MYO1B: variants seen among roughly 807,000 people sequenced by gnomAD.
MYO1B encodes the protein myosin IB.
Under a neutral mutation model 159.7 loss-of-function variants are expected in MYO1B, and 72 were observed. That is an observed-to-expected ratio of 0.45 (90% CI 0.37 to 0.55). The LOEUF is 0.55. Ranked by LOEUF, MYO1B falls within the 20% of genes least tolerant of loss-of-function variation. The probability of loss-of-function intolerance (pLI) is 0.00; values close to 1 mark genes in which losing one functional copy is unlikely to be tolerated. For missense variants in MYO1B, 1,062 were observed against 1,364.8 expected, an observed-to-expected ratio of 0.78 and a Z score of 3.50; for synonymous variants, 468 against 473.8, an observed-to-expected ratio of 0.99 and a Z score of 0.16.
intron 7 of MYO1B, among the ~76,000 whole-genome samples, chr2:191,359,150 TC>T (rs1417786672): frequency 6.6e-6 from 1 of 152,162 alleles, no homozygotes; most frequent in Non-Finnish European, 1.5e-5. Context: ...ATAAGTAAAA[TC>T]GTACTGCATG....
intron 2 of MYO1B, among the ~76,000 whole-genome samples, chr2:191,286,360 G>A (rs1331589719): frequency 1.3e-5 from 2 of 151,092 alleles, no homozygotes; most frequent in African/African-American, 4.9e-5. Flanking sequence ...AAAAAAGACC[G>A]AGGCCCTCTG....
At chr2:191,381,861 C>G (rs1395644879) in intron 14 of MYO1B, among the ~76,000 whole-genome samples, 2 of 152,080 alleles carry the variant, frequency 1.3e-5, no homozygotes, top group East Asian at 3.8e-4. Context: ...ACTTAGAGAA[C>G]TGTATACCAA....
At chr2:191,332,264 A>G (rs912890553) in intron 4 of MYO1B, among the ~76,000 whole-genome samples, 26 of 107,712 alleles carry the variant, frequency 2.4e-4, no homozygotes, top group Non-Finnish European at 5.9e-4. Context: ...TGCCTGGCCT[A>G]TTATCCCTCT....
At chr2:191,302,988 G>T (rs988215082) in intron 3 of MYO1B, among the ~76,000 whole-genome samples, 30 of 152,284 alleles carry the variant, frequency 2.0e-4, no homozygotes, top group Admixed American at 1.8e-3. Flanking sequence ...CATGAGTGAT[G>T]TTGCTATAAT....
chr2:191,416,473 G>T, intron 30 of MYO1B: 1 of 511,192 alleles, frequency 2.0e-6, no homozygotes, highest in Non-Finnish European at 3.4e-6. Flanking sequence ...TGAAATAGTT[G>T]ATAAGATTTT....
At chr2:191,276,507 G>A (rs944048520) in intron 1 of MYO1B, among the ~76,000 whole-genome samples, 7 of 152,188 alleles carry the variant, frequency 4.6e-5, no homozygotes, top group Non-Finnish European at 1.0e-4. Context: ...CGAGGAAGCA[G>A]GTTCATATAG....
intron 30 of MYO1B, 53 bp downstream of exon 30, chr2:191,416,295 T>A (rs1188300273): frequency 6.2e-7 from 1 of 1,605,034 alleles, no homozygotes; most frequent in Non-Finnish European, 8.5e-7. Flanking sequence ...TTTTTTGTTT[T>A]AGTTCAGCTC....
intron 24 of MYO1B, among the ~76,000 whole-genome samples, chr2:191,404,902 G>T (rs1281577431): frequency 1.3e-5 from 2 of 152,220 alleles, no homozygotes; most frequent in Non-Finnish European, 2.9e-5. Context: ...GGTGGTGGCT[G>T]CTGAAGGTTG....
chr2:191,251,265 G>A (rs758384956), intron 1 of MYO1B, among the ~76,000 whole-genome samples: 1 of 152,236 alleles, frequency 6.6e-6, no homozygotes, highest in Non-Finnish European at 1.5e-5. Flanking sequence ...CTGCCTGCGA[G>A]CAGCATGCCA....
At chr2:191,402,572 T>A in intron 23 of MYO1B, 60 bp from the exon 24 acceptor site, 1 of 1,410,218 alleles carries the variant, frequency 7.1e-7, no homozygotes, top group Non-Finnish European at 9.9e-7. Flanking sequence ...TATCTTTTTC[T>A]GGTCATTTGT....
At chr2:191,268,332 T>C (rs977674363) in intron 1 of MYO1B, among the ~76,000 whole-genome samples, 1 of 152,194 alleles carries the variant, frequency 6.6e-6, no homozygotes, top group Non-Finnish European at 1.5e-5. Context: ...TGGTTTCTTT[T>C]TTTCTTATAA....
chr2:191,317,269 ACTTGTTC>A (rs1274696478), intron 3 of MYO1B, among the ~76,000 whole-genome samples: 1 of 152,160 alleles, frequency 6.6e-6, no homozygotes, highest in East Asian at 1.9e-4. Flanking sequence ...TAAAAGTGAT[ACTTGTTC>A]AAAGGGGACC....
At position 191,337,896 on chromosome 2, in the gene MYO1B, AG is replaced by A. The variant is rs1273546635; in HGVS notation, c.347-3564del. 9.9e-5 allele frequency among the ~76,000 whole-genome samples: 15 copies of A among 152,274 alleles called. No homozygotes were observed. In the East Asian group the frequency reaches 1.4e-3, roughly 14 times the overall value. Reference sequence around the variant, plus strand: ...ATTATGTAAAGGTTTGATTTGTATAAGTATATAAATATTTGAATACAGATCC... The same window carrying A: ...ATTATGTAAAGGTTTGATTTGTATAATATATAAATATTTGAATACAGATCC... On this transcript the variant is annotated intron_variant, in intron 4 of 30. Transcript: ENST00000392318.
chr2:191,357,840 C>T (rs1693402733), intron 7 of MYO1B, among the ~76,000 whole-genome samples: 1 of 152,096 alleles, frequency 6.6e-6, no homozygotes, highest in Non-Finnish European at 1.5e-5. Context: ...GGGAAGAAAA[C>T]CAATAAGGAA....
chr2:191,421,972 A>G (rs1697968955), intron 30 of MYO1B, among the ~76,000 whole-genome samples: 1 of 152,224 alleles, frequency 6.6e-6, no homozygotes, highest in Admixed American at 6.5e-5. Context: ...AACCCATTTA[A>G]AAGATCAGAA....
chr2:191,247,801 C>G (rs1685876968), intron 1 of MYO1B, among the ~76,000 whole-genome samples: 2 of 152,248 alleles, frequency 1.3e-5, no homozygotes, highest in African/African-American at 4.8e-5. Flanking sequence ...TAGCAGAATC[C>G]TAAGTGGCTG....
chr2:191,349,158 C>G (rs1330573287), intron 6 of MYO1B, among the ~76,000 whole-genome samples: 1 of 152,202 alleles, frequency 6.6e-6, no homozygotes, highest in Non-Finnish European at 1.5e-5. Context: ...AAGGCAGGAG[C>G]CATGCCATGC....
intron 1 of MYO1B, among the ~76,000 whole-genome samples, chr2:191,273,541 C>T (rs189239369): frequency 5.3e-5 from 8 of 152,326 alleles, no homozygotes; most frequent in South Asian, 2.1e-4. Context: ...CTGCAAGTCA[C>T]GCCATCCAGA....
At chr2:191,297,413 G>A (rs4853579) in intron 3 of MYO1B, among the ~76,000 whole-genome samples, 80,487 of 152,054 alleles carry the variant, frequency 0.53, 22,055 homozygotes, top group East Asian at 0.65. Flanking sequence ...GTGAACTGCT[G>A]CTGAACGTGG....
Sources: allele counts gnomAD v4.1 joint callset (sites outside exome capture counted in the v4.1 genomes callset), GRCh38; gene constraint gnomAD v4.1.1; transcripts MANE v1.5; gene names NCBI Gene and HGNC (gene_info 2026-07-23, HGNC 2026-07-21).